Variants in CD5 observed in about 807,000 individuals in gnomAD.
The protein encoded by CD5 is T-cell surface glycoprotein CD5.
Under a neutral mutation model 60.3 loss-of-function variants are expected in CD5, and 36 were observed. The ratio of observed to expected loss-of-function variants is 0.60; its 90% CI spans 0.46 to 0.79. CD5 has a LOEUF of 0.79. Among genes scored for constraint, CD5 ranks in the 30% least tolerant of loss-of-function variants. The probability of loss-of-function intolerance (pLI) is 0.00; values close to 1 mark genes in which losing one functional copy is unlikely to be tolerated. For missense variants in CD5, 540 were observed against 630.6 expected (o/e 0.86, Z 1.54); for synonymous variants, 230 against 257.6 (o/e 0.89, Z 1.03).
At chr11:61,112,132 C>G (rs1420282272) in intron 1 of CD5, among the ~76,000 whole-genome samples, 1 of 152,212 alleles carries the variant, frequency 6.6e-6, no homozygotes, top group African/African-American at 2.4e-5. Flanking sequence ...CCACAGGTGG[C>G]ACTTCAAGCT....
In CD5 at chr11:61,102,584, G is replaced by T. The variant is rs759739416; in HGVS notation, c.24G>T (p.Pro8=). The change falls in exon 1 of 11, where the codon CCG becomes CCT. Residue 8 remains proline (P), a synonymous_variant. Coordinates refer to ENST00000347785, the MANE Select transcript of CD5 (RefSeq NM_014207.4). MPMGSLQ[P]LATLYLLGML... ...CCATGCCCATGGGGTCTCTGCAACC[G>T]CTGGCCACCTTGTACCTGCTGGGGA... is the stretch of plus-strand genomic sequence containing the variant. 6.3e-7 allele frequency: 1 copy of T among 1,592,400 alleles called. No individual in the cohort carries two copies. The highest frequency in any genetic ancestry group is 1.7e-5 in the Admixed American group (1 of 57,298).
At chr11:61,102,701 C>A in intron 1 of CD5, 86 bp downstream of exon 1, 1 of 1,168,312 alleles carries the variant, frequency 8.6e-7, no homozygotes, top group Non-Finnish European at 1.2e-6. Context: ...AAGGCTGACT[C>A]TGGGATCCAC....
At chr11:61,094,602 G>A in the CD5 span, among the ~76,000 whole-genome samples, 1 of 152,122 alleles carries the variant, frequency 6.6e-6, no homozygotes, top group Non-Finnish European at 1.5e-5. Flanking sequence ...TTGATACTCT[G>A]ATTTTGGTTT....
Position 61,102,537 on chromosome 11 carries a change from T to C in CD5, c.-24T>C, listed in dbSNP as rs1165739759. On this transcript the variant is annotated 5_prime_UTR_variant, in exon 1 of 11. Coordinates refer to ENST00000347785, the MANE Select transcript of CD5 (RefSeq NM_014207.4). Reference sequence around the variant, plus strand: ...ACCTGCGGTGCCCAGCTGCCCAGGCTGAGGCAAGAGAAGGCCAGAAACCAT... The same window carrying C: ...ACCTGCGGTGCCCAGCTGCCCAGGCCGAGGCAAGAGAAGGCCAGAAACCAT... 4.5e-6 allele frequency: 7 copies of C among 1,547,616 alleles called. 1 individual carries two copies. The Admixed American group carries it at 1.3e-4, about 29-fold the overall frequency.
chr11:61,116,822 T>TAC, intron 2 of CD5, among the ~76,000 whole-genome samples: 1 of 91,720 alleles, frequency 1.1e-5, no homozygotes, highest in South Asian at 4.0e-4. Context: ...CACACACACA[T>TAC]ACAACACACA....
chr11:61,122,415 A>C (rs1487333759), intron 6 of CD5, among the ~76,000 whole-genome samples: 5 of 67,098 alleles, frequency 7.5e-5, no homozygotes, highest in African/African-American at 3.0e-4. Flanking sequence ...GGATGGATGG[A>C]TGGATCAGTG....
rs1388684380 is a variant in CD5 at position 61,118,190 on chromosome 11, T to C, written c.110T>C (p.Leu37Pro). 4 of 1,613,640 alleles carry C rather than the reference T, an allele frequency of 2.5e-6. No individual in the cohort carries two copies. The highest frequency in any genetic ancestry group is 3.4e-6 in the Non-Finnish European group (4 of 1,179,588). ...TGACCCCCAGATTTCCAGGCAAGGC[T>C]CACCCGTTCCAACTCGAAGTGCCAG... is the stretch of plus-strand genomic sequence containing the variant. ...SWYDPDFQAR[L>P]TRSNSKCQGQ... Residue 37 changes from leucine to proline, a missense_variant, in exon 3 of 11, where the codon CTC (leucine) becomes CCC (proline). Physicochemically the swap from Leu to Pro is moderately conservative, Grantham distance 98. Transcript: ENST00000347785. This position sits in a 1 kb window ranked among gnomAD's most constrained non-coding sequence, Gnocchi z 4.7.
intron 2 of CD5, among the ~76,000 whole-genome samples, chr11:61,117,906 C>T (rs576798021): frequency 6.0e-4 from 92 of 152,332 alleles, no homozygotes; most frequent in South Asian, 6.0e-3. Context: ...CAGTGGGTGC[C>T]GAGAACACCT....
chr11:61,100,233 G>A, upstream of CD5, among the ~76,000 whole-genome samples: 1 of 112,860 alleles, frequency 8.9e-6, no homozygotes, highest in African/African-American at 3.6e-5. Context: ...CACACAACAT[G>A]GAGATCACAC....
At chr11:61,123,182 A>G (rs759076498) in intron 7 of CD5, 150 bp downstream of exon 7, 80 of 913,342 alleles carry the variant, frequency 8.8e-5, no homozygotes, top group Non-Finnish European at 1.1e-4. Flanking sequence ...TCTCCTGCCC[A>G]TTAGCCATTT....
chr11:61,095,367 C>T, the CD5 span, among the ~76,000 whole-genome samples: 5 of 152,270 alleles, frequency 3.3e-5, no homozygotes, highest in Admixed American at 1.3e-4. Flanking sequence ...GGTGGAAAGG[C>T]GTGCCTTTGT....
chr11:61,094,576 A>C, the CD5 span, among the ~76,000 whole-genome samples: 1 of 151,554 alleles, frequency 6.6e-6, no homozygotes, highest in African/African-American at 2.4e-5. Context: ...TTTGGTTTTG[A>C]CCTGGCTTGG....
chr11:61,113,844 A>G (rs1345668110), intron 1 of CD5, among the ~76,000 whole-genome samples: 1 of 151,976 alleles, frequency 6.6e-6, no homozygotes, highest in Non-Finnish European at 1.5e-5. Context: ...AATTTTTGTT[A>G]TTTTTAGTAG....
intron 8 of CD5, 60 bp downstream of exon 8, chr11:61,123,997 A>T: frequency 1.5e-6 from 2 of 1,347,696 alleles, no homozygotes; most frequent in Non-Finnish European, 2.1e-6. Context: ...ATGGAGGCAG[A>T]GTCGAGGCTC....
intron 8 of CD5, 57 bp downstream of exon 8, chr11:61,123,994 C>A: frequency 2.2e-6 from 3 of 1,383,886 alleles, no homozygotes; most frequent in Non-Finnish European, 3.1e-6. Context: ...GCCATGGAGG[C>A]AGAGTCGAGG....
rs777287392 is a variant in CD5 at position 61,119,327 on chromosome 11, G to C, written c.557G>C (p.Ser186Thr). The change falls in exon 5 of 11, where the codon AGC becomes ACC. Residue 186 changes from serine (S) to threonine (T), a missense_variant. Transcript: ENST00000347785. ...AGCGGCAGCCTGGGGGGTACCATCA[G>C]CTATGAGGCCCAGGACAAGACCCAG... ...FYSGSLGGTI[S>T]YEAQDKTQDL... The C allele has an allele frequency of 5.0e-6, 8 of 1,614,086 alleles. No homozygotes were observed. The highest frequency in any genetic ancestry group is 2.2e-5 in the East Asian group (1 of 44,880).
In CD5 at chr11:61,123,886, C is replaced by T. The variant is rs142358839; in HGVS notation, c.1228C>T (p.Arg410Cys). Residue 410 changes from arginine to cysteine, a missense_variant and splice_region_variant, in exon 8 of 11, where the codon CGC becomes TGC. Transcript: ENST00000347785. ...LAYKKLVKKF[R>C]QKKQRQWIGP... ...TGCCTTTCTTGTCTCTTGCCCAGTC[C>T]GCCAGAAGAAGCAGCGCCAGTGGAT... 389 of 1,612,012 alleles carry T rather than the reference C, an allele frequency of 2.4e-4. 1 individual carries two copies. The African/African-American group carries it at 3.8e-3, about 16-fold the overall frequency.
At chr11:61,120,201 G>A (rs1336863946) in intron 5 of CD5, among the ~76,000 whole-genome samples, 1 of 152,162 alleles carries the variant, frequency 6.6e-6, no homozygotes, top group Non-Finnish European at 1.5e-5. Context: ...GGCCAAACCA[G>A]GATCAATGAA....
intron 8 of CD5, among the ~76,000 whole-genome samples, chr11:61,124,788 G>C (rs1167834051): frequency 6.6e-6 from 1 of 152,030 alleles, no homozygotes; most frequent in South Asian, 2.1e-4. Flanking sequence ...ACTCACGGAA[G>C]GCCCCACCCT....
Sources: allele counts gnomAD v4.1 joint callset (sites outside exome capture counted in the v4.1 genomes callset), GRCh38; gene constraint gnomAD v4.1.1; non-coding constraint Gnocchi (gnomAD v3.1); transcripts MANE v1.5; gene names NCBI Gene and HGNC (gene_info 2026-07-23, HGNC 2026-07-21).